The following CSMD1 variants were observed in gnomAD, a reference collection of about 807,000 sequenced individuals.
The protein encoded by CSMD1 is CUB and sushi domain-containing protein 1.
In CSMD1, 213 loss-of-function variants were observed where a neutral mutation model predicts 417.5. That is an observed-to-expected ratio of 0.51 (90% CI 0.46 to 0.57). The LOEUF (loss-of-function observed/expected upper bound fraction) is 0.57, where lower values mean the gene tolerates loss of function less well. CSMD1 is among the 20% of genes least tolerant of loss of function. CSMD1 has a pLI of 0.00. For synonymous variants in CSMD1, 2,862 were observed against 1,736.8 expected, an observed-to-expected ratio of 1.65 and a Z score of -16.11; for missense variants, 6,923 against 4,529.7, an observed-to-expected ratio of 1.53 and a Z score of -15.17.
intron 3 of CSMD1, among the ~76,000 whole-genome samples, chr8:4,322,527 CAT>C (rs1428471777): frequency 2.0e-5 from 3 of 152,052 alleles, no homozygotes; most frequent in Non-Finnish European, 4.4e-5. Flanking sequence ...TGTATAAAAA[CAT>C]AACATTTGAG....
intron 3 of CSMD1, among the ~76,000 whole-genome samples, chr8:4,306,510 T>C (rs1265418915): frequency 6.6e-6 from 1 of 152,150 alleles, no homozygotes; most frequent in Non-Finnish European, 1.5e-5. Context: ...CTAGAACCAC[T>C]GATATCCACT....
rs566659022 is a variant in CSMD1 at position 4,104,613 on chromosome 8, A to C, written c.416-72514T>G. ...ATTGCATGAGAACGGTCTGAATTAG[A>C]GTGTCTGGAATGAGGCTAGTTTGTC... On this transcript the variant is annotated intron_variant, in intron 3 of 69. Transcript: ENST00000635120. 5.3e-5 allele frequency among the ~76,000 whole-genome samples: 8 copies of C among 152,300 alleles called. No individual in the cohort carries two copies. The South Asian group carries it at 6.2e-4, about 12-fold the overall frequency.
intron 18 of CSMD1, among the ~76,000 whole-genome samples, chr8:3,370,507 T>G (rs557176197): frequency 6.6e-6 from 1 of 152,198 alleles, no homozygotes; most frequent in African/African-American, 2.4e-5. Flanking sequence ...GTGAAGGTTA[T>G]GTGCCAGTGT....
chr8:3,346,172 C>G (rs1310596702), intron 22 of CSMD1, among the ~76,000 whole-genome samples: 1 of 152,260 alleles, frequency 6.6e-6, no homozygotes, highest in East Asian at 1.9e-4. Context: ...ATATGACTGA[C>G]AGCTTCTCTG....
rs183381913 is a variant in CSMD1 at position 3,593,556 on chromosome 8, G to A, written c.1098-7296C>T. Among the ~76,000 whole-genome samples the A allele has an allele frequency of 3.9e-5, 6 of 152,320 alleles. No homozygotes were observed. The East Asian group carries it at 1.2e-3, about 29-fold the overall frequency. ...TAACGTCCTTGAGAGAGAGTGAAGG[G>A]ATGTCCAGATCTGACTTTTAACCTG... On this transcript the variant is annotated intron_variant, in intron 8 of 69. Transcript: ENST00000635120.
chr8:4,900,329 T>C (rs1459968848), intron 1 of CSMD1, among the ~76,000 whole-genome samples: 1 of 152,198 alleles, frequency 6.6e-6, no homozygotes, highest in Non-Finnish European at 1.5e-5. Context: ...CATGAATAGC[T>C]ACACCATTTG....
chr8:3,711,498 AC>A (rs1801507070), intron 6 of CSMD1, among the ~76,000 whole-genome samples: 1 of 152,176 alleles, frequency 6.6e-6, no homozygotes. Flanking sequence ...GTCCTGCACT[AC>A]GGAACTCTCA....
intron 5 of CSMD1, among the ~76,000 whole-genome samples, chr8:3,878,634 A>C (rs1805995777): frequency 6.6e-6 from 1 of 152,240 alleles, no homozygotes; most frequent in African/African-American, 2.4e-5. Context: ...TTATTGACAG[A>C]AAAATCTCCA....
At chr8:4,109,149 C>G (rs1480744619) in intron 3 of CSMD1, among the ~76,000 whole-genome samples, 2 of 152,022 alleles carry the variant, frequency 1.3e-5, no homozygotes, top group Non-Finnish European at 2.9e-5. Context: ...AATGTAAATG[C>G]TATGTAAATA....
chr8:4,622,169 A>T (rs905273969), intron 2 of CSMD1, among the ~76,000 whole-genome samples: 2 of 147,968 alleles, frequency 1.4e-5, no homozygotes, highest in Non-Finnish European at 3.0e-5. Context: ...GGGTAAAGAG[A>T]ATTAAAAAAA....
intron 51 of CSMD1, among the ~76,000 whole-genome samples, chr8:3,024,409 G>A (rs902311204): frequency 8.6e-5 from 13 of 152,008 alleles, no homozygotes; most frequent in African/African-American, 2.9e-4. Context: ...GGGTTCAAGC[G>A]ATTCTCCTGC....
intron 1 of CSMD1, among the ~76,000 whole-genome samples, chr8:4,957,044 G>A (rs528417715): frequency 4.7e-4 from 72 of 152,368 alleles, no homozygotes; most frequent in Middle Eastern, 3.4e-3. Flanking sequence ...AATTCAGGAA[G>A]AGGAAACACA....
At chr8:4,929,100 G>A (rs191927031) in intron 1 of CSMD1, among the ~76,000 whole-genome samples, 3 of 152,210 alleles carry the variant, frequency 2.0e-5, no homozygotes, top group African/African-American at 7.2e-5. Flanking sequence ...CCTTTAGGAT[G>A]GGCTTTAATT....
chr8:4,037,113 A>C (rs1216672337), intron 3 of CSMD1, among the ~76,000 whole-genome samples: 5 of 152,192 alleles, frequency 3.3e-5, no homozygotes, highest in Non-Finnish European at 5.9e-5. Flanking sequence ...AAATTATTTT[A>C]CTTGTTTTTA....
chr8:4,409,569 T>C (rs542103013), intron 3 of CSMD1, among the ~76,000 whole-genome samples: 18 of 152,142 alleles, frequency 1.2e-4, no homozygotes, highest in Admixed American at 8.5e-4. Flanking sequence ...CACTCAACAC[T>C]TCAGCAGGGA....
At chr8:4,170,206 A>T (rs1797693020) in intron 3 of CSMD1, among the ~76,000 whole-genome samples, 1 of 151,816 alleles carries the variant, frequency 6.6e-6, no homozygotes, top group Admixed American at 6.5e-5. Context: ...TTCTCTCTGC[A>T]GAACTAGCTG....
intron 3 of CSMD1, among the ~76,000 whole-genome samples, chr8:4,411,276 G>A (rs934006152): frequency 2.0e-5 from 3 of 151,968 alleles, no homozygotes; most frequent in Non-Finnish European, 4.4e-5. Context: ...GGGCTCTATG[G>A]AGTTAACTTG....
intron 26 of CSMD1, among the ~76,000 whole-genome samples, chr8:3,233,573 T>C (rs1217186379): frequency 6.6e-6 from 1 of 152,264 alleles, no homozygotes; most frequent in African/African-American, 2.4e-5. Context: ...TTATGTTTAG[T>C]AAGGACATGT....
chr8:4,793,088 G>A (rs771947177), intron 1 of CSMD1, among the ~76,000 whole-genome samples: 5 of 151,894 alleles, frequency 3.3e-5, no homozygotes, highest in Non-Finnish European at 5.9e-5. Context: ...ATATAGCACT[G>A]TCATATACAA....
Sources: gnomAD v4.1 joint callset for allele counts (sites outside exome capture counted in the v4.1 genomes callset) on GRCh38, gnomAD v4.1.1 for gene constraint, MANE v1.5 for transcripts, NCBI Gene and HGNC (gene_info 2026-07-23, HGNC 2026-07-21) for gene names.